SPATA17: variants seen among roughly 807,000 people sequenced by gnomAD.
SPATA17 encodes spermatogenesis-associated protein 17.
In SPATA17, 53 loss-of-function variants were observed where a neutral mutation model predicts 62.2. The ratio of observed to expected loss-of-function variants is 0.85; its 90% CI spans 0.68 to 1.07. SPATA17 has a LOEUF of 1.07. Among genes scored for constraint, SPATA17 ranks in the 50% least tolerant of loss-of-function variants. SPATA17 has a pLI of 0.00. For synonymous variants in SPATA17, 146 were observed against 146.8 expected (o/e 0.99, Z 0.04); for missense variants, 466 against 425.5 (o/e 1.10, Z -0.84).
At chr1:217,813,015 C>G (rs1674631213) in intron 9 of SPATA17, among the ~76,000 whole-genome samples, 1 of 152,156 alleles carries the variant, frequency 6.6e-6, no homozygotes, top group Non-Finnish European at 1.5e-5. Flanking sequence ...TTTTCACATG[C>G]ATTTTGGTCC....
chr1:217,708,283 TTAA>T (rs778818414), intron 5 of SPATA17, among the ~76,000 whole-genome samples: 142 of 152,046 alleles, frequency 9.3e-4, no homozygotes, highest in Non-Finnish European at 1.6e-3. Context: ...TTTGGAAGAG[TTAA>T]TAAGATAGAC....
intron 4 of SPATA17, among the ~76,000 whole-genome samples, chr1:217,680,068 T>C (rs1179698544): frequency 6.6e-6 from 1 of 152,224 alleles, no homozygotes; most frequent in Non-Finnish European, 1.5e-5. Flanking sequence ...CCCTTAATAC[T>C]GTTTGATATC....
At chr1:217,676,242 C>A (rs184927726) in intron 4 of SPATA17, among the ~76,000 whole-genome samples, 1 of 152,158 alleles carries the variant, frequency 6.6e-6, no homozygotes, top group East Asian at 1.9e-4. Flanking sequence ...CCATCATAAG[C>A]CTAGATGAAA....
chr1:217,854,124 C>A (rs1156581103), intron 9 of SPATA17, among the ~76,000 whole-genome samples: 3 of 152,068 alleles, frequency 2.0e-5, no homozygotes, highest in African/African-American at 7.2e-5. Flanking sequence ...CAGCATTTGC[C>A]TTATTTGAAC....
At chr1:217,662,739 AG>A (rs1222591864) in intron 3 of SPATA17, among the ~76,000 whole-genome samples, 5 of 152,272 alleles carry the variant, frequency 3.3e-5, no homozygotes, top group South Asian at 4.1e-4. Flanking sequence ...TAGTTTTAAA[AG>A]TGATAAGAGA....
At chr1:217,667,251 G>A (rs539319314) in intron 3 of SPATA17, among the ~76,000 whole-genome samples, 4 of 151,958 alleles carry the variant, frequency 2.6e-5, no homozygotes, top group South Asian at 2.1e-4. Flanking sequence ...GTTTCACCAT[G>A]TTGGCCAGGC....
chr1:217,638,296 A>G (rs1217306909), intron 1 of SPATA17, among the ~76,000 whole-genome samples: 1 of 143,570 alleles, frequency 7.0e-6, no homozygotes, highest in Non-Finnish European at 1.6e-5. Flanking sequence ...TTGTTTTAAA[A>G]TATGTTTATG....
intron 9 of SPATA17, among the ~76,000 whole-genome samples, chr1:217,827,847 A>G (rs1023670967): frequency 6.6e-6 from 1 of 152,142 alleles, no homozygotes; most frequent in African/African-American, 2.4e-5. Context: ...ACACATGGAC[A>G]CAGGGAGGGG....
chr1:217,833,849 G>A (rs1244072984), intron 9 of SPATA17, among the ~76,000 whole-genome samples: 3 of 152,102 alleles, frequency 2.0e-5, no homozygotes, highest in Non-Finnish European at 4.4e-5. Flanking sequence ...TTGAAATGTT[G>A]TAGTAACCAT....
In SPATA17 at chr1:217,688,457, G is replaced by T. The variant is rs367635676; in HGVS notation, c.395+5096G>T. On this transcript the variant is annotated intron_variant, in intron 5 of 10. Coordinates refer to ENST00000366933, the MANE Select transcript of SPATA17 (RefSeq NM_138796.4). The stretch of plus-strand genomic sequence containing the variant: ...CATTCTTCAAAACAGTGTTAAGAGA[G>T]ATCTCTTTTAAGTCATTTTTCTCTG... Among the ~76,000 whole-genome samples the T allele has an allele frequency of 4.0e-4, 61 of 152,228 alleles. No individual in the cohort carries two copies. The East Asian group carries it at 0.011, about 28-fold the overall frequency.
intron 8 of SPATA17, among the ~76,000 whole-genome samples, chr1:217,789,384 T>C (rs1214251477): frequency 6.6e-6 from 1 of 152,128 alleles, no homozygotes; most frequent in African/African-American, 2.4e-5. Context: ...AAATATTGGA[T>C]TTGGTAATAT....
intron 4 of SPATA17, among the ~76,000 whole-genome samples, chr1:217,671,628 C>G (rs565343897): frequency 2.6e-5 from 4 of 152,072 alleles, no homozygotes; most frequent in Non-Finnish European, 4.4e-5. Flanking sequence ...CTCCCTGCCT[C>G]TCCTGTCCTC....
chr1:217,680,508 T>C (rs779647212), intron 4 of SPATA17, among the ~76,000 whole-genome samples: 1 of 152,226 alleles, frequency 6.6e-6, no homozygotes, highest in Non-Finnish European at 1.5e-5. Flanking sequence ...AAATTGAGTA[T>C]ATAATTTTAG....
intron 5 of SPATA17, among the ~76,000 whole-genome samples, chr1:217,712,119 C>CA (rs1392402293): frequency 7.5e-6 from 1 of 133,114 alleles, no homozygotes; most frequent in African/African-American, 2.8e-5. Flanking sequence ...TTAAGTTCTA[C>CA]AATATGTTCT....
At chr1:217,672,144 C>T (rs940968530) in intron 4 of SPATA17, among the ~76,000 whole-genome samples, 1 of 152,124 alleles carries the variant, frequency 6.6e-6, no homozygotes, top group Non-Finnish European at 1.5e-5. Context: ...CCAAAGAGAC[C>T]AGTGTGTGGC....
At chr1:217,797,527 G>A (rs1674179987) in intron 8 of SPATA17, among the ~76,000 whole-genome samples, 1 of 152,056 alleles carries the variant, frequency 6.6e-6, no homozygotes, top group South Asian at 2.1e-4. Flanking sequence ...TGGGATTACA[G>A]GCATTAGCCA....
chr1:217,674,797 A>G lies in SPATA17; in HGVS notation c.291+5714A>G, dbSNP rs572783655. On this transcript the variant is annotated intron_variant, in intron 4 of 10. Transcript: ENST00000366933. ...TGGTTTGGCCCCACCATTGCTTCCTATGATGTGGAGCAGATGCCTGAAAGT... is the reference window on the plus strand; with the variant it reads ...TGGTTTGGCCCCACCATTGCTTCCTGTGATGTGGAGCAGATGCCTGAAAGT... Among the ~76,000 whole-genome samples, 4 of 152,218 alleles carry G rather than the reference A, an allele frequency of 2.6e-5. No homozygotes were observed. In the East Asian group the frequency reaches 7.7e-4, roughly 29 times the overall value.
intron 6 of SPATA17, among the ~76,000 whole-genome samples, chr1:217,748,580 T>C (rs904979645): frequency 6.6e-6 from 1 of 151,214 alleles, no homozygotes; most frequent in African/African-American, 2.4e-5. Flanking sequence ...CCGTCTCTAT[T>C]GAAAGTATAA....
intron 1 of SPATA17, among the ~76,000 whole-genome samples, chr1:217,632,313 T>A (rs938108205): frequency 6.6e-6 from 1 of 152,204 alleles, no homozygotes; most frequent in Non-Finnish European, 1.5e-5. Flanking sequence ...GTCTTCTTCA[T>A]CTCCCTACAG....
Sources: gnomAD v4.1 joint callset for allele counts (sites outside exome capture counted in the v4.1 genomes callset) on GRCh38, gnomAD v4.1.1 for gene constraint, MANE v1.5 for transcripts, NCBI Gene and HGNC (gene_info 2026-07-23, HGNC 2026-07-21) for gene names.